The following NPTN variants were observed in gnomAD, a reference collection of about 807,000 sequenced individuals.
NPTN encodes SDR-1.
NPTN carries 5 observed loss-of-function variants against 42.7 expected under a neutral mutation model. That is an observed-to-expected ratio of 0.12 (90% CI 0.06 to 0.25). NPTN has a LOEUF of 0.25. Among genes scored for constraint, NPTN ranks in the 10% least tolerant of loss-of-function variants. The pLI, the probability that NPTN is intolerant of heterozygous loss-of-function variation, is 1.00. For synonymous variants in NPTN, 180 were observed against 201.9 expected, an observed-to-expected ratio of 0.89 and a Z score of 0.92; for missense variants, 307 against 525.4, an observed-to-expected ratio of 0.58 and a Z score of 4.06.
At chr15:73,614,319 T>TA (rs11427278) in intron 1 of NPTN, among the ~76,000 whole-genome samples, 59,419 of 149,888 alleles carry the variant, frequency 0.4, 12,552 homozygotes, top group Admixed American at 0.47. Context: ...GACCCTGTCT[T>TA]AAAAAAAAAA....
At chr15:73,588,064 A>AC (rs1459220930) in intron 3 of NPTN, among the ~76,000 whole-genome samples, 33 of 151,990 alleles carry the variant, frequency 2.2e-4, no homozygotes, top group African/African-American at 8.0e-4. Context: ...AGATGCTGAA[A>AC]CCCCGTCTCT....
chr15:73,591,971 C>G lies in NPTN; in HGVS notation c.606G>C (p.Glu202Asp). The G allele has an allele frequency of 6.2e-7, 1 of 1,612,148 alleles. No homozygotes were observed. The highest frequency in any genetic ancestry group is 8.5e-7 in the Non-Finnish European group (1 of 1,178,958). ...GAGCTGCCCACCACTCTCACCTGTACTCCATGTTGCTGGCATTCTTACGAG... is the reference window on the plus strand; with the variant it reads ...GAGCTGCCCACCACTCTCACCTGTAGTCCATGTTGCTGGCATTCTTACGAG... ...SATRKNASNMEYRINKPRAED... is the reference protein window; with the variant it reads ...SATRKNASNMDYRINKPRAED... Residue 202 changes from glutamate to aspartate, a missense_variant, in exon 3 of 9, where the codon GAG (glutamate) becomes GAC (aspartate). Physicochemically the swap from Glu to Asp is conservative, Grantham distance 45. This residue lies in a region of NPTN where 264 missense variants were observed against 491.1 expected (regional missense o/e 0.54). Transcript: ENST00000345330.
At chr15:73,610,708 A>G (rs1314253587) in intron 1 of NPTN, among the ~76,000 whole-genome samples, 1 of 152,230 alleles carries the variant, frequency 6.6e-6, no homozygotes, top group Non-Finnish European at 1.5e-5. Flanking sequence ...CCTATTTTAG[A>G]CTGTGATAAA....
intron 6 of NPTN, chr15:73,568,498 C>G (rs1281955433): frequency 1.0e-6 from 1 of 985,254 alleles, no homozygotes; most frequent in Admixed American, 6.1e-5. Flanking sequence ...TGAAAACACA[C>G]GAAAGACAGG....
intron 4 of NPTN, among the ~76,000 whole-genome samples, chr15:73,575,233 T>C (rs1032643051): frequency 2.6e-5 from 4 of 152,240 alleles, no homozygotes; most frequent in African/African-American, 9.6e-5. Context: ...TCTGCCCGCG[T>C]TGGCCTCCCA....
intron 6 of NPTN, among the ~76,000 whole-genome samples, chr15:73,565,091 G>A (rs1481222192): frequency 6.6e-6 from 1 of 152,214 alleles, no homozygotes; most frequent in African/African-American, 2.4e-5. Context: ...ACATGCAAAG[G>A]GTTGCATGGA....
intron 1 of NPTN, among the ~76,000 whole-genome samples, chr15:73,608,507 A>T (rs1897395942): frequency 6.6e-6 from 1 of 152,202 alleles, no homozygotes; most frequent in African/African-American, 2.4e-5. Context: ...AAAAAATTCA[A>T]CATTTTTTGA....
intron 1 of NPTN, among the ~76,000 whole-genome samples, chr15:73,613,772 G>C (rs1161684347): frequency 1.3e-5 from 2 of 151,982 alleles, no homozygotes; most frequent in Non-Finnish European, 2.9e-5. Context: ...TGCAACCTCT[G>C]CCTCCTGGAT....
chr15:73,570,370 A>G lies in NPTN; in HGVS notation c.894T>C (p.Thr298=), dbSNP rs368630333. ...RFFIINKENY[T]ELNIVNLQIT... ...TCTGCAGGTTCACAATGTTCAACTCAGTGTAATTTTCCTTGTTGATGATGA... is the reference window on the plus strand; with the variant it reads ...TCTGCAGGTTCACAATGTTCAACTCGGTGTAATTTTCCTTGTTGATGATGA... Residue 298 remains threonine (T), a synonymous_variant, in exon 6 of 9, where the codon ACT becomes ACC. Transcript: ENST00000345330. This position sits in a 1 kb window ranked among gnomAD's most constrained non-coding sequence, Gnocchi z 4.0. 3.1e-6 allele frequency: 5 copies of G among 1,613,850 alleles called. No individual in the cohort carries two copies. The highest frequency in any genetic ancestry group is 4.2e-6 in the Non-Finnish European group (5 of 1,179,922).
At position 73,597,690 on chromosome 15, in the gene NPTN, C is replaced by T. The variant is rs565027962; in HGVS notation, c.92-321G>A. Among the ~76,000 whole-genome samples the T allele has an allele frequency of 6.6e-6, 1 of 152,272 alleles. No homozygotes were observed. The highest frequency in any genetic ancestry group is 2.1e-4 in the South Asian group (1 of 4,828). On this transcript the variant is annotated intron_variant, in intron 1 of 8. Coordinates refer to ENST00000345330, the MANE Select transcript of NPTN (RefSeq NM_012428.4). This position sits in a 1 kb window ranked among gnomAD's most constrained non-coding sequence, Gnocchi z 6.3. ...GCCCAGCTGGTAGGAATGAGAAAGCCTCAGGTCTTGGGAAGAGCCTCTTTC... is the reference window on the plus strand; with the variant it reads ...GCCCAGCTGGTAGGAATGAGAAAGCTTCAGGTCTTGGGAAGAGCCTCTTTC...
intron 1 of NPTN, among the ~76,000 whole-genome samples, chr15:73,631,505 T>C (rs890568756): frequency 6.6e-6 from 1 of 152,222 alleles, no homozygotes; most frequent in African/African-American, 2.4e-5. Context: ...CTGATGGATA[T>C]TGTCAATCCT....
intron 6 of NPTN, chr15:73,568,109 CAA>C: frequency 1.0e-6 from 1 of 985,374 alleles, no homozygotes; most frequent in African/African-American, 1.7e-5. Context: ...AAAACTCTTA[CAA>C]AAAAAGAGCT....
chr15:73,600,551 CAA>C (rs1387959199), intron 1 of NPTN, among the ~76,000 whole-genome samples: 1 of 152,184 alleles, frequency 6.6e-6, no homozygotes, highest in Non-Finnish European at 1.5e-5. Flanking sequence ...AAGCTAATAA[CAA>C]AGAGTCTGGC....
chr15:73,615,894 T>C (rs1249382907), intron 1 of NPTN, among the ~76,000 whole-genome samples: 2 of 152,066 alleles, frequency 1.3e-5, no homozygotes, highest in African/African-American at 4.8e-5. Flanking sequence ...AGGTTCATCC[T>C]CTTTCCAACC....
At chr15:73,584,127 G>A (rs1465327655) in intron 4 of NPTN, among the ~76,000 whole-genome samples, 1 of 152,192 alleles carries the variant, frequency 6.6e-6, no homozygotes, top group African/African-American at 2.4e-5. Context: ...AGGGTGAGAT[G>A]AACCTAGTAA....
chr15:73,621,089 T>TTAACACAG (rs1238240960), intron 1 of NPTN, among the ~76,000 whole-genome samples: 2 of 152,110 alleles, frequency 1.3e-5, no homozygotes, highest in African/African-American at 4.8e-5. Context: ...CTATAAAAAG[T>TTAACACAG]TAACACAGAT....
intron 6 of NPTN, chr15:73,567,002 CTTTT>C (rs10539085): frequency 0.07 from 56,757 of 814,430 alleles, 882 homozygotes; most frequent in African/African-American, 0.17. Flanking sequence ...AGACATGGGG[CTTTT>C]TTTTTTTTTT....
chr15:73,615,234 T>G (rs555982381), intron 1 of NPTN, among the ~76,000 whole-genome samples: 8 of 152,022 alleles, frequency 5.3e-5, no homozygotes, highest in Non-Finnish European at 1.2e-4. Context: ...GGACACTTTT[T>G]AACTATTCTT....
intron 1 of NPTN, among the ~76,000 whole-genome samples, chr15:73,603,729 A>G (rs1272092381): frequency 6.6e-6 from 1 of 152,256 alleles, no homozygotes; most frequent in African/African-American, 2.4e-5. Flanking sequence ...CTGCTTAACA[A>G]TATTTGGGAA....
Sources: allele counts gnomAD v4.1 joint callset (sites outside exome capture counted in the v4.1 genomes callset), GRCh38; gene constraint gnomAD v4.1.1; regional missense constraint gnomAD v4.1.1; non-coding constraint Gnocchi (gnomAD v3.1); transcripts MANE v1.5; gene names NCBI Gene and HGNC (gene_info 2026-07-23, HGNC 2026-07-21).